AP2B1: variants seen among roughly 807,000 people sequenced by gnomAD.
The protein encoded by AP2B1 is adaptor related protein complex 2 subunit beta 1, also known as AP-2 complex subunit beta.
Under a neutral mutation model 102.0 loss-of-function variants are expected in AP2B1, and 23 were observed. That is an observed-to-expected ratio of 0.23 (90% CI 0.16 to 0.32). The LOEUF is 0.32. Ranked by LOEUF, AP2B1 falls within the 10% of genes least tolerant of loss-of-function variation. The pLI is 1.00. For missense variants in AP2B1, 541 were observed against 1,157.4 expected, an observed-to-expected ratio of 0.47 and a Z score of 7.73; for synonymous variants, 381 against 421.2, an observed-to-expected ratio of 0.90 and a Z score of 1.17.
intron 6 of AP2B1, among the ~76,000 whole-genome samples, chr17:35,625,897 T>C (rs556779242): frequency 6.6e-6 from 1 of 152,268 alleles, no homozygotes; most frequent in South Asian, 2.1e-4. Flanking sequence ...TCTTCTTTCT[T>C]TAATACAGTA....
At position 35,650,670 on chromosome 17, in the gene AP2B1, G is replaced by A. The variant is rs759036087; in HGVS notation, c.1677G>A (p.Leu559=). 1 of 1,614,142 alleles carries A rather than the reference G, an allele frequency of 6.2e-7. No individual in the cohort carries two copies. Among genetic ancestry groups the A allele is most frequent in the East Asian group, 2.2e-5 (1 of 44,882 alleles). The change falls in exon 13 of 22, where the codon CTG becomes CTA. Residue 559 remains leucine, a synonymous_variant. Coordinates refer to ENST00000610402, the MANE Select transcript of AP2B1 (RefSeq NM_001030006.2). ...AGACGGACCTTATTGAGCCAACTCTGCTGGATGAGCTAATCTGCCACATTG... is the reference window on the plus strand; with the variant it reads ...AGACGGACCTTATTGAGCCAACTCTACTGGATGAGCTAATCTGCCACATTG... ...SEETDLIEPT[L]LDELICHIGS... is the part of the protein sequence containing the mutation.
intron 14 of AP2B1, chr17:35,659,664 A>G (rs2075314303): frequency 3.4e-6 from 1 of 292,340 alleles, no homozygotes; most frequent in East Asian, 1.7e-4. Context: ...ATTTCTAAAT[A>G]TGCAACCTTT....
intron 5 of AP2B1, chr17:35,621,444 G>T: frequency 1.4e-6 from 1 of 695,940 alleles, no homozygotes; most frequent in African/African-American, 1.9e-5. Context: ...AGATAGGATG[G>T]AAGGAACTTC....
At chr17:35,616,287 T>C (rs1450053167) in intron 5 of AP2B1, among the ~76,000 whole-genome samples, 1 of 150,732 alleles carries the variant, frequency 6.6e-6, no homozygotes, top group Non-Finnish European at 1.5e-5. Context: ...GCCTCACACT[T>C]CTGAGTAGCT....
At chr17:35,703,665 A>G (rs1398821366) in intron 18 of AP2B1, among the ~76,000 whole-genome samples, 1 of 152,102 alleles carries the variant, frequency 6.6e-6, no homozygotes, top group African/African-American at 2.4e-5. Flanking sequence ...AATAGCACAC[A>G]CTGGGGTCTG....
chr17:35,653,874 C>G (rs1338855494), intron 13 of AP2B1, among the ~76,000 whole-genome samples: 1 of 152,114 alleles, frequency 6.6e-6, no homozygotes, highest in Non-Finnish European at 1.5e-5. Flanking sequence ...TGCTGTCAGG[C>G]TTCTCTACTT....
intron 5 of AP2B1, among the ~76,000 whole-genome samples, chr17:35,614,910 G>A (rs995363657): frequency 6.6e-6 from 1 of 152,164 alleles, no homozygotes; most frequent in East Asian, 1.9e-4. Context: ...GATTATGATG[G>A]TGGTTCTCAA....
intron 2 of AP2B1, among the ~76,000 whole-genome samples, chr17:35,596,126 T>C (rs1421293685): frequency 6.6e-6 from 1 of 152,232 alleles, no homozygotes; most frequent in Admixed American, 6.5e-5. Flanking sequence ...ACATATTCTT[T>C]AAATTTATGC....
rs77110325 is a variant in AP2B1, at chr17:35,644,372, A to T, written c.1536+2397A>T. Among the ~76,000 whole-genome samples, 700 of 152,220 alleles carry T rather than the reference A, an allele frequency of 4.6e-3. 1 individual carries two copies. The highest frequency in any genetic ancestry group is 7.6e-3 in the Non-Finnish European group (517 of 67,990). ...TATTTCATACTATAAATAATAAGCA[A>T]CTTCTCGAGGCTTGCCTTTTTTCAA... On this transcript the variant is annotated intron_variant, in intron 12 of 21. Transcript: ENST00000610402.
intron 9 of AP2B1, among the ~76,000 whole-genome samples, chr17:35,631,742 G>T (rs1267899795): frequency 1.3e-5 from 2 of 152,118 alleles, no homozygotes; most frequent in Non-Finnish European, 2.9e-5. Context: ...CCAAATGGTG[G>T]TATAAGGAGT....
At position 35,624,434 on chromosome 17, in the gene AP2B1, G is replaced by C. The variant is rs1467176849; in HGVS notation, c.563G>C (p.Ser188Thr). The C allele has an allele frequency of 6.2e-7, 1 of 1,614,040 alleles. No individual in the cohort carries two copies. Among genetic ancestry groups the C allele is most frequent in the African/African-American group, 1.3e-5 (1 of 74,912 alleles). ...ANAVAALSEI[S>T]ESHPNSNLLD... ...GCCGTAGCGGCATTATCTGAAATCA[G>C]TGAGTCTCACCCAAACAGCAACTTA... Residue 188 changes from serine to threonine, a missense_variant, in exon 6 of 22, where the codon AGT becomes ACT. Around this residue, in one of 10 missense-constraint regions of AP2B1, gnomAD observed 134 missense variants for 250.2 expected, o/e 0.54. Coordinates refer to ENST00000610402, the MANE Select transcript of AP2B1 (RefSeq NM_001030006.2).
intron 11 of AP2B1, among the ~76,000 whole-genome samples, chr17:35,641,498 A>G (rs1476461058): frequency 6.6e-6 from 1 of 152,112 alleles, no homozygotes; most frequent in Non-Finnish European, 1.5e-5. Flanking sequence ...GGATTGCTTG[A>G]GTCCAGGAGT....
intron 3 of AP2B1, among the ~76,000 whole-genome samples, chr17:35,604,456 G>A (rs762834150): frequency 2.6e-4 from 39 of 150,414 alleles, no homozygotes; most frequent in Non-Finnish European, 4.0e-4. Context: ...TAAAGGTAGT[G>A]GAAAAAAAAA....
At chr17:35,632,138 T>G (rs1471746786) in intron 9 of AP2B1, among the ~76,000 whole-genome samples, 3 of 151,972 alleles carry the variant, frequency 2.0e-5, no homozygotes, top group African/African-American at 7.3e-5. Context: ...ATTTGTTTTT[T>G]GGGGGGTGGT....
At chr17:35,592,154 T>G (rs2073121330) in intron 1 of AP2B1, among the ~76,000 whole-genome samples, 1 of 152,126 alleles carries the variant, frequency 6.6e-6, no homozygotes, top group Non-Finnish European at 1.5e-5. Flanking sequence ...CATTGATTTG[T>G]TTGGTGCTTA....
At chr17:35,682,849 G>A (rs887542744) in intron 18 of AP2B1, 25 bp downstream of exon 18, 5 of 1,595,602 alleles carry the variant, frequency 3.1e-6, no homozygotes, top group African/African-American at 1.3e-5. Context: ...TCACTCAGGT[G>A]GTACAAGTTA....
intron 5 of AP2B1, among the ~76,000 whole-genome samples, chr17:35,618,311 AT>A (rs2074081037): frequency 6.6e-6 from 1 of 152,228 alleles, no homozygotes; most frequent in South Asian, 2.1e-4. Context: ...AACACTGCTA[AT>A]TTAGAAGAGA....
chr17:35,669,742 C>T (rs2075547114), intron 14 of AP2B1, among the ~76,000 whole-genome samples: 1 of 152,080 alleles, frequency 6.6e-6, no homozygotes. Context: ...ATCCTCTTTC[C>T]CCAATCTTAA....
At chr17:35,719,684 T>C (rs1344026292) in intron 21 of AP2B1, among the ~76,000 whole-genome samples, 1 of 152,180 alleles carries the variant, frequency 6.6e-6, no homozygotes, top group African/African-American at 2.4e-5. Context: ...TAATTGTAAA[T>C]TCATATGTAG....
Sources: gnomAD v4.1 joint callset for allele counts (sites outside exome capture counted in the v4.1 genomes callset) on GRCh38, gnomAD v4.1.1 for gene constraint, gnomAD v4.1.1 regional missense constraint, MANE v1.5 for transcripts, NCBI Gene and HGNC (gene_info 2026-07-23, HGNC 2026-07-21) for gene names.